Variants in NUP214 observed in about 807,000 individuals in gnomAD.
The protein encoded by NUP214 is nucleoporin 214.
A neutral mutation model predicts 196.2 loss-of-function variants in NUP214; 79 were observed. That is an observed-to-expected ratio of 0.40 (90% confidence interval 0.34 to 0.49). The LOEUF (loss-of-function observed/expected upper bound fraction) is 0.49. Ranked by LOEUF, NUP214 falls within the 20% of genes least tolerant of loss-of-function variation. The probability of loss-of-function intolerance (pLI) is 0.58; values close to 1 mark genes in which losing one functional copy is unlikely to be tolerated. For missense variants in NUP214, 2,468 were observed against 2,539.0 expected (o/e 0.97, Z 0.60); for synonymous variants, 1,020 against 990.5 (o/e 1.03, Z -0.56).
At chr9:131,144,827 G>T in intron 12 of NUP214, 73 bp downstream of exon 12, 1 of 1,192,946 alleles carries the variant, frequency 8.4e-7, no homozygotes, top group Non-Finnish European at 1.2e-6. Flanking sequence ...TAAAAGTAGA[G>T]TCACTCTGAG....
chr9:131,135,426 C>T (rs1225202521), intron 8 of NUP214, among the ~76,000 whole-genome samples: 1 of 152,146 alleles, frequency 6.6e-6, no homozygotes, highest in Non-Finnish European at 1.5e-5. Context: ...AACATATTTT[C>T]AGCTGATTCT....
chr9:131,210,828 A>G (rs770214351), intron 30 of NUP214, among the ~76,000 whole-genome samples: 39 of 152,236 alleles, frequency 2.6e-4, no homozygotes, highest in Non-Finnish European at 4.7e-4. Flanking sequence ...GATCTATGCA[A>G]CAATATCAGG....
At chr9:131,205,771 T>C (rs1448681927) in intron 30 of NUP214, among the ~76,000 whole-genome samples, 13 of 152,140 alleles carry the variant, frequency 8.5e-5, no homozygotes, top group Admixed American at 8.5e-4. Flanking sequence ...CTTGGCTCAC[T>C]GCAACCTCTG....
At chr9:131,128,690 T>C (rs1376841643) in intron 3 of NUP214, 4 of 480,080 alleles carry the variant, frequency 8.3e-6, no homozygotes, top group Admixed American at 7.6e-5. Flanking sequence ...CCATCTGCCC[T>C]AAGTTGTTAT....
In NUP214 at chr9:131,198,176, T is replaced by C; in HGVS notation, c.4682T>C (p.Val1561Ala). 6.2e-7 allele frequency: 1 copy of C among 1,614,224 alleles called. No homozygotes were observed. The highest frequency in any genetic ancestry group is 8.5e-7 in the Non-Finnish European group (1 of 1,180,030). The change falls in exon 29 of 36, where the codon GTA becomes GCA. Residue 1561 changes from valine (V) to alanine (A), a missense_variant. By Grantham distance (64) the Val-to-Ala change is moderately conservative (BLOSUM62 0). Around this residue, in one of 5 missense-constraint regions of NUP214, gnomAD observed 1,801 missense variants for 1,779.4 expected, o/e 1.01. Coordinates refer to ENST00000359428, the MANE Select transcript of NUP214 (RefSeq NM_005085.4). Reference sequence around the variant, plus strand: ...ACTGCAGCATCTAGTACTAGTCTTGTAGCACTTTCTGCAGAGGCTACCCCA... The same window carrying C: ...ACTGCAGCATCTAGTACTAGTCTTGCAGCACTTTCTGCAGAGGCTACCCCA... ...SGTAASSTSL[V>A]ALSAEATPAT...
intron 24 of NUP214, among the ~76,000 whole-genome samples, chr9:131,186,092 T>C (rs1345770929): frequency 6.6e-6 from 1 of 152,230 alleles, no homozygotes; most frequent in African/African-American, 2.4e-5. Flanking sequence ...CAGGTACTGC[T>C]CAGGGCCCAG....
At chr9:131,130,085 C>T (rs1001987577) in intron 4 of NUP214, among the ~76,000 whole-genome samples, 14 of 144,834 alleles carry the variant, frequency 9.7e-5, no homozygotes, top group Admixed American at 7.1e-5. Flanking sequence ...TACCTTTGGG[C>T]GGAAAAGCAT....
chr9:131,156,234 G>A (rs568973312), intron 17 of NUP214, among the ~76,000 whole-genome samples: 15 of 146,816 alleles, frequency 1.0e-4, no homozygotes, highest in Admixed American at 2.1e-4. Context: ...CCGGGTTCAC[G>A]CCATCCTCCT....
intron 21 of NUP214, among the ~76,000 whole-genome samples, chr9:131,168,430 C>G (rs145705426): frequency 1.6e-4 from 25 of 152,278 alleles, no homozygotes; most frequent in African/African-American, 5.3e-4. Context: ...ACTAAGTTTA[C>G]AGAATTGTAT....
intron 30 of NUP214, among the ~76,000 whole-genome samples, chr9:131,211,668 A>G (rs1834243894): frequency 6.6e-6 from 1 of 152,232 alleles, no homozygotes; most frequent in Non-Finnish European, 1.5e-5. Flanking sequence ...TGTCTTTACT[A>G]CAATCTCTGA....
chr9:131,233,311 G>A (rs1173853512), intron 35 of NUP214, 143 bp from the exon 36 acceptor site: 2 of 744,944 alleles, frequency 2.7e-6, no homozygotes, highest in Non-Finnish European at 4.1e-6. Flanking sequence ...ACTCCAGCCT[G>A]GGCAATAGAG....
chr9:131,164,063 A>G lies in NUP214; in HGVS notation c.2812A>G (p.Lys938Glu), dbSNP rs1832717136. The change falls in exon 21 of 36, where the codon AAA becomes GAA. Residue 938 changes from lysine (K) to glutamate (E), a missense_variant and splice_region_variant. Coordinates refer to ENST00000359428, the MANE Select transcript of NUP214 (RefSeq NM_005085.4). ...HTKSLPKVPA[K>E]LSPMKQAQLR... is the part of the protein sequence containing the mutation. ...ATGGGTTTATGGATTTCTTGCAGCCAAACTGTCCCCCATGAAACAGGCACA... is the reference window on the plus strand; with the variant it reads ...ATGGGTTTATGGATTTCTTGCAGCCGAACTGTCCCCCATGAAACAGGCACA... 3.7e-6 allele frequency: 6 copies of G among 1,614,194 alleles called. No individual in the cohort carries two copies. Among genetic ancestry groups the G allele is most frequent in the Non-Finnish European group, 5.1e-6 (6 of 1,180,026 alleles).
chr9:131,206,162 T>TTTTTTTTTTTTTTTTTTTA (rs71372703), intron 30 of NUP214, among the ~76,000 whole-genome samples: 2 of 126,340 alleles, frequency 1.6e-5, no homozygotes, highest in Non-Finnish European at 3.5e-5. Flanking sequence ...TTTTTTTTTT[T>TTTTTTTTTTTTTTTTTTTA]GAGACAGGGT....
At position 131,230,771 on chromosome 9, in the gene NUP214, T is replaced by C; in HGVS notation, c.6214+2T>C. ...CTGGTTTTGGATCAGGCACAGGAGG[T>C]AAGCTGCCACAAGTTCTCCCCTCAC... On this transcript the variant is annotated splice_donor_variant, in intron 34 of 35. Transcript: ENST00000359428. LOFTEE classifies it high-confidence loss of function. 1 of 1,612,162 alleles carries C rather than the reference T, an allele frequency of 6.2e-7. No individual in the cohort carries two copies. The highest frequency in any genetic ancestry group is 1.1e-5 in the South Asian group (1 of 90,974).
At chr9:131,136,405 G>A (rs1246561045) in intron 9 of NUP214, 4 of 161,330 alleles carry the variant, frequency 2.5e-5, no homozygotes, top group Non-Finnish European at 5.5e-5. Flanking sequence ...AAATGGCTTG[G>A]CTATTGCATG....
intron 24 of NUP214, among the ~76,000 whole-genome samples, chr9:131,184,271 T>G (rs1833386008): frequency 6.6e-6 from 1 of 151,466 alleles, no homozygotes; most frequent in South Asian, 2.1e-4. Context: ...CCTCAGATGA[T>G]CCACCCACCT....
chr9:131,141,084 C>G (rs1205484249), intron 11 of NUP214, among the ~76,000 whole-genome samples: 1 of 151,094 alleles, frequency 6.6e-6, no homozygotes, highest in African/African-American at 2.4e-5. Context: ...ATGCCATGTA[C>G]CAATTATAAA....
At chr9:131,178,271 TG>T in intron 23 of NUP214, 39 bp from the exon 24 acceptor site, 2 of 1,505,116 alleles carry the variant, frequency 1.3e-6, no homozygotes, top group East Asian at 4.5e-5. Flanking sequence ...TATCCTTTGC[TG>T]GAATTAATAT....
intron 8 of NUP214, 58 bp from the exon 9 acceptor site, chr9:131,135,882 G>T (rs1386533768): frequency 3.5e-6 from 5 of 1,429,022 alleles, no homozygotes; most frequent in African/African-American, 2.8e-5. Flanking sequence ...GCAGACCCAG[G>T]TTAGCTTAGA....
Sources: allele counts gnomAD v4.1 joint callset (sites outside exome capture counted in the v4.1 genomes callset), GRCh38; gene constraint gnomAD v4.1.1; regional missense constraint gnomAD v4.1.1; transcripts MANE v1.5; gene names NCBI Gene and HGNC (gene_info 2026-07-23, HGNC 2026-07-21).